Variants in VTCN1 observed in about 807,000 individuals in gnomAD.
The protein encoded by VTCN1 is V-set domain containing T cell activation inhibitor 1.
A neutral mutation model predicts 26.5 loss-of-function variants in VTCN1; 26 were observed. The observed-to-expected ratio is 0.98, with a 90% CI of 0.72 to 1.36. VTCN1 has a LOEUF of 1.36. VTCN1 is among the 40% of genes most tolerant of loss of function. The pLI, the probability that VTCN1 is intolerant of heterozygous loss-of-function variation, is 0.00. For missense variants in VTCN1, 298 were observed against 337.7 expected (o/e 0.88, Z 0.92); for synonymous variants, 116 against 130.7 (o/e 0.89, Z 0.77).
intron 2 of VTCN1, among the ~76,000 whole-genome samples, chr1:117,158,880 C>T (rs1001917697): frequency 2.0e-5 from 3 of 152,106 alleles, no homozygotes; most frequent in Non-Finnish European, 4.4e-5. Context: ...GTTCAAAGTT[C>T]CACAAATCTC....
intron 1 of VTCN1, among the ~76,000 whole-genome samples, chr1:117,193,952 T>C (rs1194671749): frequency 6.6e-6 from 1 of 152,144 alleles, no homozygotes; most frequent in African/African-American, 2.4e-5. Flanking sequence ...CCCTTTGATG[T>C]TGGTTTTGGC....
chr1:117,154,746 G>T lies in VTCN1; in HGVS notation c.446-1377C>A, dbSNP rs142895736. Among the ~76,000 whole-genome samples, 448 of 130,368 alleles carry T rather than the reference G, an allele frequency of 3.4e-3. 9 individuals carry two copies. The Admixed American group carries it at 0.034, about 10-fold the overall frequency. The allele number at this position is 130,368 out of a possible 152,430, so 85.5% of individuals were successfully genotyped here. ...TGCTGTGAGCCGAGATCGTGCTGTT[G>T]TACTCCAGCCTGGGCAACAAGAGTG... On this transcript the variant is annotated intron_variant, in intron 3 of 5. Coordinates refer to ENST00000369458, the MANE Select transcript of VTCN1 (RefSeq NM_024626.4).
chr1:117,169,359 T>C lies in VTCN1; in HGVS notation c.97+748A>G, dbSNP rs1306007867. 6.6e-6 allele frequency among the ~76,000 whole-genome samples: 1 copy of C among 152,214 alleles called. No individual in the cohort carries two copies. The highest frequency in any genetic ancestry group is 1.5e-5 in the Non-Finnish European group (1 of 68,040). On this transcript the variant is annotated intron_variant, in intron 2 of 5. Coordinates refer to ENST00000369458, the MANE Select transcript of VTCN1 (RefSeq NM_024626.4). This position sits in a 1 kb window ranked among gnomAD's most constrained non-coding sequence, Gnocchi z 4.0. ...ATGGTACAGTAGTCATGACCAGTTG[T>C]CTCTTTACCTAAGACCCCTGTGTAC...
rs7545045 is a variant in VTCN1 at position 117,175,621 on chromosome 1, G to T, written c.33-5450C>A. ...GAAAAGGCATGTGAACCAACACAAC[G>T]TCCATGTTGTCCTGCCATCATTCCC... is the stretch of plus-strand genomic sequence containing the variant. On this transcript the variant is annotated intron_variant, in intron 1 of 5. Coordinates refer to ENST00000369458, the MANE Select transcript of VTCN1 (RefSeq NM_024626.4). This position sits in a 1 kb window ranked among gnomAD's most constrained non-coding sequence, Gnocchi z 4.2. Among the ~76,000 whole-genome samples the T allele has an allele frequency of 6.6e-6, 1 of 152,076 alleles. No individual in the cohort carries two copies. Among genetic ancestry groups the T allele is most frequent in the Non-Finnish European group, 1.5e-5 (1 of 68,030 alleles).
At chr1:117,201,487 C>T (rs1226820453) in intron 1 of VTCN1, among the ~76,000 whole-genome samples, 5 of 152,174 alleles carry the variant, frequency 3.3e-5, no homozygotes, top group Admixed American at 3.3e-4. Flanking sequence ...TCCCCCTTTC[C>T]CTGCATGCAT....
At position 117,200,494 on chromosome 1, in the gene VTCN1, C is replaced by T. The variant is rs185990374; in HGVS notation, c.32+10330G>A. On this transcript the variant is annotated intron_variant, in intron 1 of 5. Coordinates refer to ENST00000369458, the MANE Select transcript of VTCN1 (RefSeq NM_024626.4). ...GACTTCAGTATTAAGTTCCTCTGAC[C>T]TCCTCATTGAGCTAGGTGGACTCCA... 7.8e-4 allele frequency among the ~76,000 whole-genome samples: 119 copies of T among 152,212 alleles called. No individual in the cohort carries two copies. In the Middle Eastern group the frequency reaches 0.01, roughly 13 times the overall value.
intron 1 of VTCN1, among the ~76,000 whole-genome samples, chr1:117,182,863 G>A (rs535983126): frequency 6.6e-6 from 1 of 152,120 alleles, no homozygotes; most frequent in Non-Finnish European, 1.5e-5. Context: ...GCTATGTGCT[G>A]TGTCCTGTAC....
chr1:117,153,695 C>G (rs1210124797), intron 3 of VTCN1, among the ~76,000 whole-genome samples: 6 of 152,012 alleles, frequency 3.9e-5, no homozygotes, highest in African/African-American at 1.5e-4. Context: ...AAAGCCTATC[C>G]CTTAGGGAAT....
chr1:117,207,591 T>TC (rs747264788), intron 1 of VTCN1, among the ~76,000 whole-genome samples: 38 of 152,238 alleles, frequency 2.5e-4, no homozygotes, highest in Non-Finnish European at 4.7e-4. Flanking sequence ...TAGATGTCTA[T>TC]CCCCAGGCCT....
At chr1:117,192,864 C>T (rs923039454) in intron 1 of VTCN1, among the ~76,000 whole-genome samples, 1 of 152,034 alleles carries the variant, frequency 6.6e-6, no homozygotes, top group Non-Finnish European at 1.5e-5. Flanking sequence ...AAACTTCAGA[C>T]CACTTAGAAA....
chr1:117,153,998 A>G (rs1434211371), intron 3 of VTCN1, among the ~76,000 whole-genome samples: 1 of 152,200 alleles, frequency 6.6e-6, no homozygotes, highest in East Asian at 1.9e-4. Flanking sequence ...GCTTCCCCCC[A>G]TATCCAGGCA....
chr1:117,210,023 C>T (rs528194420), intron 1 of VTCN1, among the ~76,000 whole-genome samples: 1 of 152,254 alleles, frequency 6.6e-6, no homozygotes, highest in South Asian at 2.1e-4. Flanking sequence ...GTATCAGCCT[C>T]CCTAAACACT....
Position 117,146,716 on chromosome 1 carries a change from C to T in VTCN1, c.*45+897G>A, listed in dbSNP as rs1157507395. 6.6e-6 allele frequency among the ~76,000 whole-genome samples: 1 copy of T among 152,096 alleles called. No individual in the cohort carries two copies. The highest frequency in any genetic ancestry group is 2.4e-5 in the African/African-American group (1 of 41,424). ...TAGGTAGTAATGGTGGGTAGGTATG[C>T]TTCTGTGACTTTGACTTCGATATAG... is the stretch of plus-strand genomic sequence containing the variant. On this transcript the variant is annotated intron_variant, in intron 5 of 5. Coordinates refer to ENST00000369458, the MANE Select transcript of VTCN1 (RefSeq NM_024626.4). This position sits in a 1 kb window ranked among gnomAD's most constrained non-coding sequence, Gnocchi z 4.2.
chr1:117,184,549 T>C (rs191717654), intron 1 of VTCN1, among the ~76,000 whole-genome samples: 1 of 152,338 alleles, frequency 6.6e-6, no homozygotes, highest in Admixed American at 6.5e-5. Context: ...TTGAATTCTA[T>C]GCTGGCTGGT....
chr1:117,143,710 T>A lies in VTCN1; in HGVS notation c.*1561A>T, dbSNP rs1315400874. ...GTCCAGGAAGGCAGTGGTTAACACA[T>A]GAAGAGTGTGGGAAGGGGGCTGGAA... On this transcript the variant is annotated 3_prime_UTR_variant, in exon 6 of 6. Transcript: ENST00000369458. The A allele has an allele frequency of 6.6e-6, 1 of 152,184 alleles. No individual in the cohort carries two copies. The highest frequency in any genetic ancestry group is 1.5e-5 in the Non-Finnish European group (1 of 68,050). 9.4% of individuals were successfully genotyped at this position (152,184 alleles called of 1,614,324 possible). A position where few individuals can be genotyped will look rare whatever the true frequency, so the allele number is the denominator to read the frequency against.
chr1:117,148,268 C>T (rs1172277294), intron 4 of VTCN1, among the ~76,000 whole-genome samples: 2 of 152,162 alleles, frequency 1.3e-5, no homozygotes, highest in Non-Finnish European at 2.9e-5. Context: ...CTAGACAATC[C>T]TATCTCTTTT....
In VTCN1 at chr1:117,161,810, T is replaced by C. The variant is rs541915843; in HGVS notation, c.98-4889A>G. Among the ~76,000 whole-genome samples, 1 of 152,280 alleles carries C rather than the reference T, an allele frequency of 6.6e-6. No homozygotes were observed. The highest frequency in any genetic ancestry group is 2.4e-5 in the African/African-American group (1 of 41,564). ...GTTCACAATAAAATCATGAATCAAA[T>C]ACAACTATGTTACAGCAAAGGTAAA... On this transcript the variant is annotated intron_variant, in intron 2 of 5. Coordinates refer to ENST00000369458, the MANE Select transcript of VTCN1 (RefSeq NM_024626.4). The surrounding 1 kb of genome is among the most constrained non-coding windows in gnomAD (Gnocchi z 4.3).
chr1:117,183,130 A>G lies in VTCN1; in HGVS notation c.33-12959T>C, dbSNP rs1647757593. 6.6e-6 allele frequency among the ~76,000 whole-genome samples: 1 copy of G among 152,118 alleles called. No homozygotes were observed. The highest frequency in any genetic ancestry group is 6.5e-5 in the Admixed American group (1 of 15,278). On this transcript the variant is annotated intron_variant, in intron 1 of 5. Coordinates refer to ENST00000369458, the MANE Select transcript of VTCN1 (RefSeq NM_024626.4). This position sits in a 1 kb window ranked among gnomAD's most constrained non-coding sequence, Gnocchi z 4.1. ...ATAAGCTCAAGAAGATTTTATATAA[A>G]CCTGTGACTACTTTCTCCCATCTCC...
chr1:117,154,770 T>C (rs1460454741), intron 3 of VTCN1, among the ~76,000 whole-genome samples: 39 of 94,468 alleles, frequency 4.1e-4, no homozygotes, highest in African/African-American at 1.7e-3. Context: ...GCAACAAGAG[T>C]GAAACTCCAT....
Sources: allele counts gnomAD v4.1 joint callset (sites outside exome capture counted in the v4.1 genomes callset), GRCh38; gene constraint gnomAD v4.1.1; non-coding constraint Gnocchi (gnomAD v3.1); transcripts MANE v1.5; gene names NCBI Gene and HGNC (gene_info 2026-07-23, HGNC 2026-07-21).